Variants in ALG9 observed in about 807,000 individuals in gnomAD.
The protein encoded by ALG9 is ALG9 alpha-1,2-mannosyltransferase.
A neutral mutation model predicts 81.8 loss-of-function variants in ALG9; 55 were observed. The observed-to-expected ratio is 0.67, with a 90% CI of 0.54 to 0.84. The LOEUF is 0.84. Ranked by LOEUF, ALG9 falls within the 40% of genes least tolerant of loss-of-function variation. ALG9 has a pLI of 0.00. For synonymous variants in ALG9, 278 were observed against 274.3 expected (o/e 1.01, Z -0.13); for missense variants, 629 against 745.0 (o/e 0.84, Z 1.81).
intron 14 of ALG9, among the ~76,000 whole-genome samples, chr11:111,790,523 T>C (rs1399695608): frequency 1.3e-5 from 2 of 152,154 alleles, no homozygotes; most frequent in Non-Finnish European, 2.9e-5. Context: ...AGGACTACTA[T>C]GCATTATTGT....
chr11:111,821,460 C>T (rs142981178), intron 13 of ALG9, among the ~76,000 whole-genome samples: 106 of 152,286 alleles, frequency 7.0e-4, no homozygotes, highest in Admixed American at 2.7e-3. Context: ...TCAAGCTCGA[C>T]AGGGTCTTCT....
intron 14 of ALG9, among the ~76,000 whole-genome samples, chr11:111,801,916 G>A (rs782797185): frequency 4.6e-5 from 7 of 152,182 alleles, no homozygotes; most frequent in Non-Finnish European, 1.0e-4. Context: ...AGGCACAATA[G>A]AGCCCTACCC....
intron 13 of ALG9, among the ~76,000 whole-genome samples, chr11:111,815,964 C>CA (rs1951411630): frequency 6.6e-6 from 1 of 152,216 alleles, no homozygotes; most frequent in African/African-American, 2.4e-5. Context: ...TTAAACCCAA[C>CA]ATACAGGACA....
intron 8 of ALG9, among the ~76,000 whole-genome samples, chr11:111,848,736 T>C (rs1957302837): frequency 6.6e-6 from 1 of 152,180 alleles, no homozygotes; most frequent in Non-Finnish European, 1.5e-5. Context: ...AAAATAAGTT[T>C]TTATAAAGAA....
At chr11:111,809,036 A>C (rs1192991779) in intron 14 of ALG9, among the ~76,000 whole-genome samples, 1 of 152,202 alleles carries the variant, frequency 6.6e-6, no homozygotes, top group African/African-American at 2.4e-5. Flanking sequence ...AATCTTCCTA[A>C]CAGTGTCAAA....
In ALG9 at chr11:111,865,031, C is replaced by A. The variant is rs782647731; in HGVS notation, c.476+150G>T. On this transcript the variant is annotated intron_variant, in intron 4 of 14. Transcript: ENST00000616540. Reference sequence around the variant, plus strand: ...ACCTCAGGTGATCTGCCCGCCTTGGCCTCCCAAAGTGCTGGGATTACAGGT... The same window carrying A: ...ACCTCAGGTGATCTGCCCGCCTTGGACTCCCAAAGTGCTGGGATTACAGGT... The A allele has an allele frequency of 4.3e-5, 21 of 491,324 alleles. No individual in the cohort carries two copies. The South Asian group carries it at 6.0e-4, about 14-fold the overall frequency. The allele number at this position is 491,324 out of a possible 1,614,324, so 30.4% of individuals were successfully genotyped here. A position where few individuals can be genotyped will look rare whatever the true frequency, so the allele number is the denominator to read the frequency against.
rs979796657 is a variant in ALG9, at chr11:111,783,804, C to T, written c.*2593G>A. ...GTATTGTGCTCTCACTAAAGACATA[C>T]ATAGAACAGAGAGATCCAAAATCAG... On this transcript the variant is annotated 3_prime_UTR_variant, in exon 15 of 15. Coordinates refer to ENST00000616540, the MANE Select transcript of ALG9 (RefSeq NM_024740.2). 1.3e-5 allele frequency: 2 copies of T among 151,818 alleles called. No homozygotes were observed. Among genetic ancestry groups the T allele is most frequent in the Non-Finnish European group, 2.9e-5 (2 of 68,010 alleles). The allele number at this position is 151,818 out of a possible 1,614,324, so 9.4% of individuals were successfully genotyped here.
At chr11:111,844,750 C>T in intron 8 of ALG9, 27 bp from the exon 9 acceptor site, 5 of 1,611,708 alleles carry the variant, frequency 3.1e-6, no homozygotes, top group Non-Finnish European at 4.2e-6. Flanking sequence ...GGTAAGAAAT[C>T]ATTAGTGGAT....
chr11:111,830,028 G>A (rs1356133485), intron 13 of ALG9, among the ~76,000 whole-genome samples: 1 of 152,190 alleles, frequency 6.6e-6, no homozygotes, highest in African/African-American at 2.4e-5. Flanking sequence ...TGTAGTTTCA[G>A]CAAATTGGAA....
intron 8 of ALG9, 47 bp downstream of exon 8, chr11:111,853,332 CA>C: frequency 7.5e-7 from 1 of 1,330,622 alleles, no homozygotes; most frequent in South Asian, 1.2e-5. Flanking sequence ...GAAGTTCAGG[CA>C]AATTAAGCTA....
intron 14 of ALG9, among the ~76,000 whole-genome samples, chr11:111,800,948 G>T (rs767917651): frequency 6.6e-6 from 1 of 152,196 alleles, no homozygotes; most frequent in Non-Finnish European, 1.5e-5. Flanking sequence ...AAACATTTGA[G>T]AAATTAACCT....
At chr11:111,818,452 A>T (rs1024607887) in intron 13 of ALG9, among the ~76,000 whole-genome samples, 2 of 152,206 alleles carry the variant, frequency 1.3e-5, no homozygotes, top group African/African-American at 4.8e-5. Context: ...CACAACTGTA[A>T]CTGAAAGAAG....
At chr11:111,824,450 A>T (rs1952905474) in intron 13 of ALG9, among the ~76,000 whole-genome samples, 1 of 152,222 alleles carries the variant, frequency 6.6e-6, no homozygotes, top group Non-Finnish European at 1.5e-5. Context: ...CCAGAGGAAG[A>T]CAAATACATG....
chr11:111,856,473 A>G (rs1377264665), intron 6 of ALG9, among the ~76,000 whole-genome samples: 2 of 151,858 alleles, frequency 1.3e-5, no homozygotes, highest in African/African-American at 4.8e-5. Flanking sequence ...TGTTTTAAGA[A>G]TGTAGATAGG....
intron 3 of ALG9, among the ~76,000 whole-genome samples, chr11:111,865,845 T>G (rs1389104926): frequency 6.6e-6 from 1 of 151,710 alleles, no homozygotes; most frequent in African/African-American, 2.4e-5. Context: ...CCTCCTATCT[T>G]CCAAAGTTCT....
chr11:111,807,179 T>C (rs1024564108), intron 14 of ALG9, among the ~76,000 whole-genome samples: 2 of 152,180 alleles, frequency 1.3e-5, no homozygotes, highest in African/African-American at 4.8e-5. Context: ...AAGTCTCTGC[T>C]CAAAACCCTA....
At chr11:111,830,974 C>T (rs1954254180) in intron 13 of ALG9, among the ~76,000 whole-genome samples, 1 of 152,072 alleles carries the variant, frequency 6.6e-6, no homozygotes, top group Non-Finnish European at 1.5e-5. Flanking sequence ...AGTTCGAGAC[C>T]AGCCTGGGCA....
intron 3 of ALG9, among the ~76,000 whole-genome samples, chr11:111,866,720 C>T (rs533378523): frequency 1.3e-5 from 2 of 151,322 alleles, no homozygotes; most frequent in Non-Finnish European, 2.9e-5. Context: ...GAAATAAAAA[C>T]CCTCTGCATA....
intron 14 of ALG9, chr11:111,788,427 G>GAT (rs1565569797): frequency 2.2e-6 from 1 of 454,040 alleles, no homozygotes; most frequent in Admixed American, 2.3e-5. Context: ...TGAACAGGAA[G>GAT]AGGAAGCACC....
Sources: allele counts gnomAD v4.1 joint callset (sites outside exome capture counted in the v4.1 genomes callset), GRCh38; gene constraint gnomAD v4.1.1; transcripts MANE v1.5; gene names NCBI Gene and HGNC (gene_info 2026-07-23, HGNC 2026-07-21).